The following ZNF248 variants were observed in gnomAD, a reference collection of about 807,000 sequenced individuals.
The protein encoded by ZNF248 is zinc finger protein 248, also known as KRAB protein domain.
ZNF248 carries 20 observed loss-of-function variants against 44.3 expected under a neutral mutation model. That is an observed-to-expected ratio of 0.45 (90% CI 0.32 to 0.66). The LOEUF (loss-of-function observed/expected upper bound fraction) is 0.66. Ranked by LOEUF, ZNF248 falls within the 30% of genes least tolerant of loss-of-function variation. The pLI, the probability that ZNF248 is intolerant of heterozygous loss-of-function variation, is 0.04. For missense variants in ZNF248, 654 were observed against 677.0 expected, an observed-to-expected ratio of 0.97 and a Z score of 0.38; for synonymous variants, 224 against 229.0, an observed-to-expected ratio of 0.98 and a Z score of 0.20.
rs1255931537 is a variant in ZNF248 at position 37,819,807 on chromosome 10, T to C, written c.330+13218A>G. ...CTGGTTGCAGGAGGGTCCTGACCCA[T>C]GGCAGGAGGTTTCCGCTTTGCTAAC... On this transcript the variant is annotated intron_variant, in intron 6 of 6. Coordinates refer to the ZNF248 transcript ENST00000615949. 6 of 785,776 alleles carry C rather than the reference T, an allele frequency of 7.6e-6. 1 individual carries two copies. The highest frequency in any genetic ancestry group is 6.7e-5 in the South Asian group (5 of 74,724). 48.7% of individuals were successfully genotyped at this position (785,776 alleles called of 1,614,324 possible). A position where few individuals can be genotyped will look rare whatever the true frequency, so the allele number is the denominator to read the frequency against.
At chr10:37,776,157 G>T (rs1427116055), downstream of ZNF248, 1 of 156,796 alleles carries the variant, frequency 6.4e-6, no homozygotes, top group African/African-American at 2.4e-5. Flanking sequence ...TGAATGTGGG[G>T]CATGTTGGTT....
Position 37,831,879 on chromosome 10 carries a change from A to G in ZNF248, c.1476T>C (p.Phe492=). The part of the protein sequence containing the change: ...HQRTHTGEKP[F]ICNECGKSFC... ...AGGATTTTCCACATTCATTACATATAAACGGTTTCTCCCCTGTGTGTGTTC... is the reference window on the plus strand; with the variant it reads ...AGGATTTTCCACATTCATTACATATGAACGGTTTCTCCCCTGTGTGTGTTC... The change falls in exon 6 of 6, where the codon TTT becomes TTC. Residue 492 remains phenylalanine, a synonymous_variant. Coordinates refer to ENST00000395867, the MANE Select transcript of ZNF248 (RefSeq NM_021045.3). The G allele has an allele frequency of 6.2e-7, 1 of 1,614,058 alleles. No individual in the cohort carries two copies. The highest frequency in any genetic ancestry group is 8.5e-7 in the Non-Finnish European group (1 of 1,179,966).
chr10:37,855,507 A>G (rs993189207), intron 3 of ZNF248, among the ~76,000 whole-genome samples: 3 of 152,232 alleles, frequency 2.0e-5, no homozygotes. Context: ...AAGGATGGAA[A>G]TGCACGCATA....
chr10:37,850,299 TA>T (rs1417956207), intron 3 of ZNF248, among the ~76,000 whole-genome samples: 8 of 152,012 alleles, frequency 5.3e-5, no homozygotes, highest in Admixed American at 3.3e-4. Context: ...TTAAGAAAGA[TA>T]AAAAATGCTA....
intron 3 of ZNF248, among the ~76,000 whole-genome samples, chr10:37,849,819 TC>T (rs1373547614): frequency 6.6e-6 from 1 of 152,098 alleles, no homozygotes; most frequent in African/African-American, 2.4e-5. Flanking sequence ...ACGCCTGTAA[TC>T]CCAACACTTT....
the ZNF248 span, among the ~76,000 whole-genome samples, chr10:37,760,333 C>G: frequency 2.1e-4 from 32 of 152,100 alleles, no homozygotes; most frequent in Admixed American, 2.1e-3. Flanking sequence ...TGAGCTCAGG[C>G]AATCCTCCCA....
Position 37,830,648 on chromosome 10 carries a change from G to T in ZNF248, c.*967C>A. 3 of 975,096 alleles carry T rather than the reference G, an allele frequency of 3.1e-6. No individual in the cohort carries two copies. The highest frequency in any genetic ancestry group is 3.7e-6 in the Non-Finnish European group (3 of 820,592). The allele number at this position is 975,096 out of a possible 1,614,324, so 60.4% of individuals were successfully genotyped here. ...GTAAATATTTGACAGCAGGTTCTCT[G>T]AGAAAATTAAAACCCTGATTTATAG... is the stretch of plus-strand genomic sequence containing the variant. On this transcript the variant is annotated 3_prime_UTR_variant, in exon 6 of 6. Transcript: ENST00000395867.
exon 7 of ZNF248, chr10:37,776,561 G>A (rs1415286467): frequency 1.8e-5 from 7 of 398,282 alleles, no homozygotes; most frequent in Non-Finnish European, 2.7e-5. Flanking sequence ...TTCTTCCGAG[G>A]AGCTGAAACC....
intron 6 of ZNF248, among the ~76,000 whole-genome samples, chr10:37,808,408 G>A (rs1055851274): frequency 4.0e-5 from 6 of 151,442 alleles, no homozygotes; most frequent in African/African-American, 1.5e-4. Flanking sequence ...TCAGCCTCCT[G>A]AGTAGCTGGG....
chr10:37,760,289 T>G, the ZNF248 span, among the ~76,000 whole-genome samples: 2 of 152,108 alleles, frequency 1.3e-5, no homozygotes, highest in East Asian at 3.9e-4. Context: ...AGGGCAGTGG[T>G]GCAATGCACA....
rs190713389 is a variant in ZNF248, at chr10:37,819,882, C to T, written c.330+13143G>A. On this transcript the variant is annotated intron_variant, in intron 6 of 6. Transcript: ENST00000615949. Reference sequence around the variant, plus strand: ...TCTGTGAATTTATCCTTTTCTGATGCTTGATAAGATTCTGAAAAGCATAAC... The same window carrying T: ...TCTGTGAATTTATCCTTTTCTGATGTTTGATAAGATTCTGAAAAGCATAAC... The T allele has an allele frequency of 1.5e-5, 12 of 778,080 alleles. No individual in the cohort carries two copies. The East Asian group carries it at 2.9e-4, about 19-fold the overall frequency. The allele number at this position is 778,080 out of a possible 1,614,324, so 48.2% of individuals were successfully genotyped here.
chr10:37,802,220 G>A (rs3739992), intron 6 of ZNF248, among the ~76,000 whole-genome samples: 39,916 of 152,072 alleles, frequency 0.26, 5,463 homozygotes, highest in East Asian at 0.45. Flanking sequence ...GGATCTGTTC[G>A]TTTCTTGTTA....
At chr10:37,763,424 A>G in the ZNF248 span, among the ~76,000 whole-genome samples, 4 of 152,348 alleles carry the variant, frequency 2.6e-5, no homozygotes, top group Admixed American at 6.5e-5. Flanking sequence ...GAGTTTGCCC[A>G]CATCCTGCAT....
chr10:37,848,775 A>T (rs182668329), intron 3 of ZNF248, among the ~76,000 whole-genome samples: 12 of 152,202 alleles, frequency 7.9e-5, no homozygotes, highest in Non-Finnish European at 1.2e-4. Context: ...CTTACCTATT[A>T]TGTTTCCTTA....
In ZNF248 at chr10:37,828,852, T is replaced by C. The variant is rs1052375149; in HGVS notation, c.*2763A>G. The C allele has an allele frequency of 1.1e-5, 11 of 985,448 alleles. No homozygotes were observed. Among genetic ancestry groups the C allele is most frequent in the Non-Finnish European group, 1.3e-5 (11 of 829,940 alleles). The allele number at this position is 985,448 out of a possible 1,614,324, so 61.0% of individuals were successfully genotyped here. A position where few individuals can be genotyped will look rare whatever the true frequency, so the allele number is the denominator to read the frequency against. ...AAGAAACACCACAGGGAGGTATGAA[T>C]AATGTAATTTAATATAATGTCTGCT... On this transcript the variant is annotated 3_prime_UTR_variant, in exon 6 of 6. Coordinates refer to ENST00000395867, the MANE Select transcript of ZNF248 (RefSeq NM_021045.3).
chr10:37,825,260 T>C (rs1245874254), downstream of ZNF248, among the ~76,000 whole-genome samples: 1 of 152,170 alleles, frequency 6.6e-6, no homozygotes, highest in African/African-American at 2.4e-5. Context: ...AGCCTAGTGA[T>C]ATAAGCCAAC....
At chr10:37,848,460 G>A (rs919766225) in intron 3 of ZNF248, among the ~76,000 whole-genome samples, 31 of 151,770 alleles carry the variant, frequency 2.0e-4, no homozygotes, top group African/African-American at 7.5e-4. Context: ...GCCAGTGCCT[G>A]TAATCCCAAC....
At chr10:37,785,209 C>A (rs1188981807) in intron 6 of ZNF248, among the ~76,000 whole-genome samples, 1 of 152,118 alleles carries the variant, frequency 6.6e-6, no homozygotes, top group Non-Finnish European at 1.5e-5. Flanking sequence ...CCAAAATAGA[C>A]CAGTAACAGC....
intron 6 of ZNF248, among the ~76,000 whole-genome samples, chr10:37,788,219 C>A (rs556807252): frequency 2.2e-5 from 3 of 137,280 alleles, no homozygotes; most frequent in Non-Finnish European, 3.1e-5. Flanking sequence ...GAGCCAAGAT[C>A]GTGCCGCTGC....
Sources: gnomAD v4.1 joint callset for allele counts (sites outside exome capture counted in the v4.1 genomes callset) on GRCh38, gnomAD v4.1.1 for gene constraint, MANE v1.5 for transcripts, NCBI Gene and HGNC (gene_info 2026-07-23, HGNC 2026-07-21) for gene names.